DCC: variants seen among roughly 807,000 people sequenced by gnomAD.
The protein encoded by DCC is netrin receptor DCC.
In DCC, 58 loss-of-function variants were observed where a neutral mutation model predicts 172.5. The observed-to-expected ratio is 0.34, with a 90% CI of 0.27 to 0.42. The LOEUF is 0.42. Ranked by LOEUF, DCC falls within the 10% of genes least tolerant of loss-of-function variation. The pLI, the probability that DCC is intolerant of heterozygous loss-of-function variation, is 1.00. For synonymous variants in DCC, 709 were observed against 644.5 expected (o/e 1.10, Z -1.52); for missense variants, 1,740 against 1,791.0 (o/e 0.97, Z 0.51).
chr18:52,438,131 T>C (rs1987856498), intron 1 of DCC, among the ~76,000 whole-genome samples: 1 of 151,824 alleles, frequency 6.6e-6, no homozygotes, highest in Admixed American at 6.6e-5. Context: ...GGGGCCAGAG[T>C]TTCTTACTGA....
At chr18:52,908,720 TG>T in intron 3 of DCC, among the ~76,000 whole-genome samples, 1 of 152,336 alleles carries the variant, frequency 6.6e-6, no homozygotes, top group Non-Finnish European at 1.5e-5. Flanking sequence ...AGCCAAATTT[TG>T]TTTTCTTAAT....
At chr18:53,431,144 C>T (rs1442843735) in intron 21 of DCC, among the ~76,000 whole-genome samples, 1 of 151,904 alleles carries the variant, frequency 6.6e-6, no homozygotes, top group African/African-American at 2.4e-5. Context: ...CTACAAACTC[C>T]CTCTGTTTTA....
chr18:53,505,580 A>C (rs2046162108), intron 27 of DCC, among the ~76,000 whole-genome samples: 1 of 152,190 alleles, frequency 6.6e-6, no homozygotes, highest in Non-Finnish European at 1.5e-5. Flanking sequence ...GAATTGTTAG[A>C]CCATATATGA....
chr18:53,264,864 T>G (rs1173942116), intron 12 of DCC, among the ~76,000 whole-genome samples: 7 of 152,140 alleles, frequency 4.6e-5, no homozygotes, highest in African/African-American at 2.4e-5. Context: ...TGAAAACAAA[T>G]GTAGCTACTT....
chr18:53,256,588 A>C (rs1383901072), intron 12 of DCC, among the ~76,000 whole-genome samples: 1 of 152,160 alleles, frequency 6.6e-6, no homozygotes, highest in Non-Finnish European at 1.5e-5. Context: ...TTTTGGTACC[A>C]GTACCATGCT....
intron 21 of DCC, among the ~76,000 whole-genome samples, chr18:53,428,128 A>G (rs532753937): frequency 1.1e-4 from 1 of 9,204 alleles, no homozygotes; most frequent in African/African-American, 5.3e-4. Context: ...TATAATATAT[A>G]ATATAATATA....
At chr18:52,938,134 T>C (rs2040407589) in intron 5 of DCC, among the ~76,000 whole-genome samples, 1 of 152,144 alleles carries the variant, frequency 6.6e-6, no homozygotes, top group Non-Finnish European at 1.5e-5. Context: ...TCAGATCATG[T>C]GTCATAAGTT....
chr18:53,177,665 G>C (rs2055127342), intron 8 of DCC, among the ~76,000 whole-genome samples: 1 of 152,258 alleles, frequency 6.6e-6, no homozygotes, highest in African/African-American at 2.4e-5. Flanking sequence ...AAGAGAACAT[G>C]GTGAATTACC....
At chr18:53,119,764 T>A (rs1252006579) in intron 7 of DCC, among the ~76,000 whole-genome samples, 1 of 151,808 alleles carries the variant, frequency 6.6e-6, no homozygotes, top group Non-Finnish European at 1.5e-5. Flanking sequence ...TAGGCACTAA[T>A]TGAACAGTAA....
rs555049162 is a variant in DCC, at chr18:52,351,470, C to T, written c.91+10592C>T. 7.9e-5 allele frequency among the ~76,000 whole-genome samples: 12 copies of T among 152,122 alleles called. No homozygotes were observed. The East Asian group carries it at 2.1e-3, about 27-fold the overall frequency. On this transcript the variant is annotated intron_variant, in intron 1 of 28. Coordinates refer to ENST00000442544, the MANE Select transcript of DCC (RefSeq NM_005215.4). ...ATGTGAATTTATGAACCTATCTATC[C>T]TATATGTTTAGAGATACATTATGAG...
At chr18:52,591,501 G>T (rs1302297488) in intron 1 of DCC, among the ~76,000 whole-genome samples, 3 of 151,850 alleles carry the variant, frequency 2.0e-5, no homozygotes, top group Non-Finnish European at 4.4e-5. Context: ...CATTGTTTAT[G>T]CCCTCCTGCT....
intron 7 of DCC, among the ~76,000 whole-genome samples, chr18:53,119,063 TATTATTTTTAGCATCTTGAG>T (rs1170737486): frequency 6.6e-6 from 1 of 151,806 alleles, no homozygotes; most frequent in Non-Finnish European, 1.5e-5. Context: ...TATTCCAGTG[TATTATTTTTAGCATCTTGAG>T]GAAGGTACTG....
At chr18:53,249,453 T>C (rs2056402959) in intron 12 of DCC, among the ~76,000 whole-genome samples, 1 of 151,858 alleles carries the variant, frequency 6.6e-6, no homozygotes, top group Non-Finnish European at 1.5e-5. Context: ...GGGCTATGTC[T>C]ACGACCTCGG....
At chr18:52,967,770 G>A (rs542811608) in intron 5 of DCC, among the ~76,000 whole-genome samples, 2 of 152,004 alleles carry the variant, frequency 1.3e-5, no homozygotes, top group Non-Finnish European at 2.9e-5. Flanking sequence ...TATTTATTTA[G>A]GGAAAATAAA....
intron 15 of DCC, among the ~76,000 whole-genome samples, chr18:53,371,082 G>A (rs2058056265): frequency 6.6e-6 from 1 of 151,780 alleles, no homozygotes; most frequent in Non-Finnish European, 1.5e-5. Context: ...TTTATTGATA[G>A]AAATATTTTA....
chr18:53,452,852 T>A lies in DCC; in HGVS notation c.3392+2190T>A, dbSNP rs541406539. Among the ~76,000 whole-genome samples the A allele has an allele frequency of 5.9e-5, 9 of 152,118 alleles. No individual in the cohort carries two copies. The South Asian group carries it at 1.7e-3, about 28-fold the overall frequency. ...CATATTTTCATAGAGAAAAAGAAAATGTTTCCTTCAAGTTATTTCTGAACT... is the reference window on the plus strand; with the variant it reads ...CATATTTTCATAGAGAAAAAGAAAAAGTTTCCTTCAAGTTATTTCTGAACT... On this transcript the variant is annotated intron_variant, in intron 23 of 28. Transcript: ENST00000442544.
intron 11 of DCC, among the ~76,000 whole-genome samples, chr18:53,209,329 T>C (rs2055709349): frequency 1.3e-5 from 2 of 152,238 alleles, no homozygotes; most frequent in South Asian, 4.1e-4. Flanking sequence ...CAACGAAAAC[T>C]CAGGCAGGTG....
rs371300892 is a variant in DCC, at chr18:53,251,597, ATT to A, written c.1911+36001_1911+36002del. Among the ~76,000 whole-genome samples, 87 of 152,044 alleles carry A rather than the reference ATT, an allele frequency of 5.7e-4. No homozygotes were observed. The East Asian group carries it at 0.013, about 22-fold the overall frequency. On this transcript the variant is annotated intron_variant, in intron 12 of 28. Transcript: ENST00000442544. ...ATCTTTTCATTTAGAATAAGTATGG[ATT>A]CTCTTTGAAATCACATACTCTTTTT...
chr18:52,386,500 C>A (rs1598773911), intron 1 of DCC, among the ~76,000 whole-genome samples: 2 of 151,804 alleles, frequency 1.3e-5, no homozygotes, highest in South Asian at 4.2e-4. Flanking sequence ...TCTGTTGGTC[C>A]AATAGGCCTT....
Sources: gnomAD v4.1 joint callset for allele counts (sites outside exome capture counted in the v4.1 genomes callset) on GRCh38, gnomAD v4.1.1 for gene constraint, MANE v1.5 for transcripts, NCBI Gene and HGNC (gene_info 2026-07-23, HGNC 2026-07-21) for gene names.